The following BAIAP3 variants were observed in gnomAD, a reference collection of about 807,000 sequenced individuals.
The protein encoded by BAIAP3 is BAI1 associated protein 3, also known as BAI1-associated protein 3.
Under a neutral mutation model 149.7 loss-of-function variants are expected in BAIAP3, and 180 were observed. That is an observed-to-expected ratio of 1.20 (90% CI 1.07 to 1.36). BAIAP3 has a LOEUF of 1.36. Among genes scored for constraint, BAIAP3 ranks in the 40% most tolerant of loss-of-function variants. The pLI is 0.00. For missense variants in BAIAP3, 1,767 were observed against 1,563.4 expected, an observed-to-expected ratio of 1.13 and a Z score of -2.20; for synonymous variants, 845 against 670.7, an observed-to-expected ratio of 1.26 and a Z score of -4.02.
In BAIAP3 at chr16:1,336,370, CAG is replaced by C. The variant is rs986194819; in HGVS notation, c.-10-2169_-10-2168del. On this transcript the variant is annotated intron_variant, in intron 1 of 33. Coordinates refer to ENST00000426824, the MANE Select transcript of BAIAP3 (RefSeq NM_001199097.2). Reference sequence around the variant, plus strand: ...CCCCATCTTTTGGGGGGGAGGCTCACAGGGGAAGGCACTGATAGGTTTGAAGG... The same window carrying C: ...CCCCATCTTTTGGGGGGGAGGCTCACGGGAAGGCACTGATAGGTTTGAAGG... The C allele has an allele frequency of 9.1e-6, 9 of 985,272 alleles. No homozygotes were observed. The African/African-American group carries it at 1.4e-4, about 15-fold the overall frequency. 61.0% of individuals were successfully genotyped at this position (985,272 alleles called of 1,614,324 possible). A position where few individuals can be genotyped will look rare whatever the true frequency, so the allele number is the denominator to read the frequency against.
At chr16:1,343,695 AGT>A (rs1052393535) in intron 15 of BAIAP3, among the ~76,000 whole-genome samples, 182 bp downstream of exon 15, 13 of 152,334 alleles carry the variant, frequency 8.5e-5, no homozygotes, top group South Asian at 2.1e-4. Flanking sequence ...GACTCGTGGG[AGT>A]CACCTCGGGG....
intron 24 of BAIAP3, 29 bp from the exon 25 acceptor site, chr16:1,346,141 C>T: frequency 1.9e-6 from 3 of 1,608,050 alleles, no homozygotes; most frequent in Non-Finnish European, 2.5e-6. Flanking sequence ...GGCCCCGGAC[C>T]CATCGTTGCC....
At chr16:1,345,476 G>A (rs1258579668) in intron 22 of BAIAP3, 104 bp downstream of exon 22, 18 of 1,021,068 alleles carry the variant, frequency 1.8e-5, no homozygotes, top group South Asian at 4.4e-5. Flanking sequence ...AGCCTCCTCC[G>A]CCTCCCCAGC....
At chr16:1,334,464 G>A (rs2033330779) in intron 1 of BAIAP3, 1 of 595,064 alleles carries the variant, frequency 1.7e-6, no homozygotes, top group South Asian at 2.1e-5. Flanking sequence ...GGCGGGGCAG[G>A]GAGGGGGTCG....
intron 5 of BAIAP3, among the ~76,000 whole-genome samples, chr16:1,339,840 A>G (rs1283843096): frequency 6.8e-6 from 1 of 147,186 alleles, no homozygotes; most frequent in African/African-American, 2.6e-5. Flanking sequence ...AGGTGCACAC[A>G]GACACACGCA....
At position 1,348,129 on chromosome 16, in the gene BAIAP3, G is replaced by A. The variant is rs142162863; in HGVS notation, c.3183G>A (p.Ala1061=). ...SVPAEACRRR[A]ACVLFTVMDH... is the part of the protein sequence containing the mutation. ...CTGCCGAGGCGTGCCGCCGCCGCGC[G>A]GCCTGTGTGTTGTTCACCGTCATGG... The change falls in exon 33 of 34, where the codon GCG becomes GCA. Residue 1061 remains alanine, a synonymous_variant. Transcript: ENST00000426824. 4.7e-5 allele frequency: 76 copies of A among 1,605,584 alleles called. No individual in the cohort carries two copies. The highest frequency in any genetic ancestry group is 2.5e-4 in the South Asian group (23 of 91,068).
At chr16:1,347,192 C>T in intron 28 of BAIAP3, 106 bp from the exon 29 acceptor site, 1 of 1,198,452 alleles carries the variant, frequency 8.3e-7, no homozygotes, top group Non-Finnish European at 1.2e-6. Context: ...CTGCCCTTGG[C>T]TGCTGAGCCC....
chr16:1,338,745 G>A (rs1048845161), intron 2 of BAIAP3, 65 bp downstream of exon 2: 103 of 1,559,742 alleles, frequency 6.6e-5, no homozygotes, highest in Non-Finnish European at 8.2e-5. Context: ...TTCACACATG[G>A]CCGCCCCTGC....
intron 5 of BAIAP3, 46 bp from the exon 6 acceptor site, chr16:1,340,876 G>A (rs763346019): frequency 3.1e-5 from 48 of 1,546,312 alleles, no homozygotes; most frequent in African/African-American, 4.1e-5. Flanking sequence ...GGCCAGCCTC[G>A]CTTCAGGGGT....
In BAIAP3 at chr16:1,349,392, G is replaced by C. The variant is rs375710057; in HGVS notation, c.*910G>C. ...CCCATTTATGTCCCTCATGTCTCTA[G>C]ATTTTCTCGTCACCCAGCCTCAAAA... is the stretch of plus-strand genomic sequence containing the variant. On this transcript the variant is annotated 3_prime_UTR_variant, in exon 34 of 34. Transcript: ENST00000426824. The C allele has an allele frequency of 3.7e-6, 6 of 1,608,064 alleles. No homozygotes were observed. Among genetic ancestry groups the C allele is most frequent in the Admixed American group, 1.7e-5 (1 of 59,978 alleles).
In BAIAP3 at chr16:1,344,654, T is replaced by C. The variant is rs867044971; in HGVS notation, c.1713T>C (p.Asp571=). 30 of 1,613,492 alleles carry C rather than the reference T, an allele frequency of 1.9e-5. No homozygotes were observed. In the Middle Eastern group the frequency reaches 3.5e-3, roughly 186 times the overall value. ...TTGTGCTGGCTGACGCCGTCTATGA[T>C]GACCTTCAGTTCTGCTACAGTGTGT... ...GLVVLADAVY[D]DLQFCYSVYA... The change falls in exon 19 of 34, where the codon GAT becomes GAC. Residue 571 remains aspartate (D), a synonymous_variant. Coordinates refer to ENST00000426824, the MANE Select transcript of BAIAP3 (RefSeq NM_001199097.2).
At chr16:1,345,208 G>A (rs776502367) in intron 21 of BAIAP3, 41 bp from the exon 22 acceptor site, 2 of 1,610,384 alleles carry the variant, frequency 1.2e-6, no homozygotes, top group Non-Finnish European at 1.7e-6. Flanking sequence ...TGGTTAAGGT[G>A]TCTGAGTCAG....
chr16:1,339,866 C>T (rs1462684945), intron 5 of BAIAP3, among the ~76,000 whole-genome samples: 115 of 146,806 alleles, frequency 7.8e-4, no homozygotes, highest in Non-Finnish European at 1.5e-3. Flanking sequence ...GCTGCAGGTG[C>T]ACACAGACAC....
Position 1,333,705 on chromosome 16 carries a change from G to C in BAIAP3, c.-55G>C, listed in dbSNP as rs1200655684. 2.1e-5 allele frequency: 3 copies of C among 140,508 alleles called. No homozygotes were observed. The highest frequency in any genetic ancestry group is 2.4e-4 in the East Asian group (1 of 4,200). 8.7% of individuals were successfully genotyped at this position (140,508 alleles called of 1,614,324 possible). A position where few individuals can be genotyped will look rare whatever the true frequency, so the allele number is the denominator to read the frequency against. On this transcript the variant is annotated 5_prime_UTR_variant, in exon 1 of 34. Transcript: ENST00000426824. The stretch of plus-strand genomic sequence containing the variant: ...GCCTCGGCGTCCCCGAGCTGGTGCC[G>C]AGCGCAGCGCCCCAGGAGCCCCCCC...
chr16:1,339,378 G>A (rs1033890563), intron 4 of BAIAP3, 118 bp from the exon 5 acceptor site: 74 of 1,465,450 alleles, frequency 5.0e-5, no homozygotes, highest in Middle Eastern at 4.7e-4. Flanking sequence ...AGTGAGGAGC[G>A]GAGGGGCTCC....
At chr16:1,339,665 C>CTGTGGTG in intron 5 of BAIAP3, 62 bp downstream of exon 5, 2 of 1,263,670 alleles carry the variant, frequency 1.6e-6, no homozygotes, top group Non-Finnish European at 2.3e-6. Flanking sequence ...CCCTTCCCCA[C>CTGTGGTG]CCACTGACAC....
chr16:1,341,891 G>C (rs1471130143), intron 9 of BAIAP3, 25 bp downstream of exon 9: 1 of 1,606,758 alleles, frequency 6.2e-7, no homozygotes, highest in Admixed American at 1.7e-5. Context: ...GCCATGCAGG[G>C]CGGCGGGGAT....
intron 1 of BAIAP3, among the ~76,000 whole-genome samples, chr16:1,337,658 G>A (rs1374830480): frequency 1.3e-5 from 2 of 152,230 alleles, no homozygotes; most frequent in Admixed American, 1.3e-4. Flanking sequence ...CTGTCCCAGC[G>A]GTGACATCTG....
chr16:1,344,016 C>G lies in BAIAP3; in HGVS notation c.1387-6C>G. The G allele has an allele frequency of 1.9e-6, 3 of 1,612,062 alleles. No homozygotes were observed. The highest frequency in any genetic ancestry group is 1.7e-6 in the Non-Finnish European group (2 of 1,179,880). Reference sequence around the variant, plus strand: ...CTGCTGGCACTGAAGGGCCCTGTCCCCACAGGAGGAGAGCCTGGCTGATAG... The same window carrying G: ...CTGCTGGCACTGAAGGGCCCTGTCCGCACAGGAGGAGAGCCTGGCTGATAG... On this transcript the variant is annotated splice_region_variant and splice_polypyrimidine_tract_variant and intron_variant, in intron 15 of 33. Coordinates refer to ENST00000426824, the MANE Select transcript of BAIAP3 (RefSeq NM_001199097.2).
Sources: allele counts gnomAD v4.1 joint callset (sites outside exome capture counted in the v4.1 genomes callset), GRCh38; gene constraint gnomAD v4.1.1; transcripts MANE v1.5; gene names NCBI Gene and HGNC (gene_info 2026-07-23, HGNC 2026-07-21).